CD163L1: variants seen among roughly 807,000 people sequenced by gnomAD.
CD163L1 encodes the protein scavenger receptor cysteine-rich type 1 protein M160.
Under a neutral mutation model 165.4 loss-of-function variants are expected in CD163L1, and 124 were observed. The observed-to-expected ratio is 0.75, with a 90% CI of 0.65 to 0.87. The LOEUF is 0.87. CD163L1 is among the 40% of genes least tolerant of loss of function. The pLI is 0.00. For missense variants in CD163L1, 1,525 were observed against 1,799.9 expected (o/e 0.85, Z 2.76); for synonymous variants, 585 against 662.2 (o/e 0.88, Z 1.79).
chr12:7,397,014 A>C (rs1303913283), intron 7 of CD163L1, among the ~76,000 whole-genome samples: 1 of 152,196 alleles, frequency 6.6e-6, no homozygotes, highest in Non-Finnish European at 1.5e-5. Flanking sequence ...AATTGATTCT[A>C]GAATTGGTTC....
chr12:7,376,000 TG>T lies in CD163L1; in HGVS notation c.2385del (p.Arg796GlyfsTer15). 6.2e-7 allele frequency: 1 copy of T among 1,613,510 alleles called. No homozygotes were observed. Among genetic ancestry groups the T allele is most frequent in the Non-Finnish European group, 8.5e-7 (1 of 1,179,644 alleles). ...ASLICSAHRQPRLVGADMPCS... is the reference protein window; with the variant it reads ...ASLICSAHRQXRLVGADMPCS... ...CAGGGCATATCAGCTCCAACCAGCC[TG>T]GGCTGCCTGTGGGCTATAAAATAAT... On this transcript the variant is annotated frameshift_variant, in exon 10 of 20. Coordinates refer to ENST00000313599, the MANE Select transcript of CD163L1 (RefSeq NM_174941.6). LOFTEE classifies it high-confidence loss of function.
chr12:7,357,908 G>C (rs1344698028), intron 18 of CD163L1, among the ~76,000 whole-genome samples: 4 of 152,120 alleles, frequency 2.6e-5, no homozygotes, highest in African/African-American at 9.6e-5. Flanking sequence ...TCTGTGGATA[G>C]AGAAATGTAG....
intron 4 of CD163L1, among the ~76,000 whole-genome samples, chr12:7,411,695 A>C (rs1351791523): frequency 6.6e-6 from 1 of 152,236 alleles, no homozygotes; most frequent in Non-Finnish European, 1.5e-5. Context: ...TGAACCAAAC[A>C]AACCACTTTT....
At chr12:7,422,213 G>T (rs1948453690) in intron 4 of CD163L1, among the ~76,000 whole-genome samples, 1 of 152,068 alleles carries the variant, frequency 6.6e-6, no homozygotes, top group Non-Finnish European at 1.5e-5. Flanking sequence ...ACTGATAGAA[G>T]AAAAACTAAC....
In CD163L1 at chr12:7,403,654, T is replaced by C. The variant is rs779888028; in HGVS notation, c.1289A>G (p.Asp430Gly). The C allele has an allele frequency of 5.0e-6, 8 of 1,613,930 alleles. No individual in the cohort carries two copies. The East Asian group carries it at 1.3e-4, about 27-fold the overall frequency. The change falls in exon 6 of 20, where the codon GAC becomes GGC. Residue 430 changes from aspartate to glycine, a missense_variant. Coordinates refer to ENST00000313599, the MANE Select transcript of CD163L1 (RefSeq NM_174941.6). ...GCAAGATATGCTGTTTATCCAAATG[T>C]CTCTAGCTTCATTACTAGGTTTAGC... is the stretch of plus-strand genomic sequence containing the variant. ...RRAKPSNEAR[D>G]IWINSISCTG...
At chr12:7,377,165 G>A (rs764835750) in intron 9 of CD163L1, among the ~76,000 whole-genome samples, 1 of 152,028 alleles carries the variant, frequency 6.6e-6, no homozygotes. Flanking sequence ...CTTTTGAACT[G>A]GCTGTATCTC....
At chr12:7,343,997 T>C (rs922516123), downstream of CD163L1, among the ~76,000 whole-genome samples, 9 of 152,106 alleles carry the variant, frequency 5.9e-5, no homozygotes, top group Non-Finnish European at 1.2e-4. Context: ...ACATTCCCAT[T>C]CCAAAGGGAG....
At chr12:7,376,538 C>T (rs867507942) in intron 9 of CD163L1, among the ~76,000 whole-genome samples, 34 of 152,160 alleles carry the variant, frequency 2.2e-4, no homozygotes, top group Non-Finnish European at 3.8e-4. Context: ...ACTCATTTAT[C>T]CAATTTCTAC....
chr12:7,439,737 T>G, intron 2 of CD163L1: 1 of 1,611,440 alleles, frequency 6.2e-7, no homozygotes, highest in East Asian at 2.2e-5. Flanking sequence ...CGTCATCCGA[T>G]GTATAGCCTT....
chr12:7,411,574 C>T (rs1948138527), intron 4 of CD163L1, among the ~76,000 whole-genome samples: 1 of 152,208 alleles, frequency 6.6e-6, no homozygotes, highest in Admixed American at 6.5e-5. Context: ...CTTCCTCTTT[C>T]CATGTGATAT....
intron 2 of CD163L1, 133 bp downstream of exon 2, chr12:7,441,021 G>A (rs770936175): frequency 1.5e-6 from 1 of 657,368 alleles, no homozygotes; most frequent in Non-Finnish European, 2.7e-6. Flanking sequence ...TTATTTACAG[G>A]GTATAGCTAT....
chr12:7,349,626 C>T (rs773715145), intron 4 of CD163L1, among the ~76,000 whole-genome samples: 2 of 152,268 alleles, frequency 1.3e-5, no homozygotes, highest in South Asian at 2.1e-4. Context: ...CCACACCAAA[C>T]GATCTGACTC....
At chr12:7,426,743 A>G (rs1446185964) in intron 4 of CD163L1, among the ~76,000 whole-genome samples, 2 of 152,170 alleles carry the variant, frequency 1.3e-5, no homozygotes, top group African/African-American at 4.8e-5. Flanking sequence ...TAAAAAATAA[A>G]TAAATAGACA....
downstream of CD163L1, among the ~76,000 whole-genome samples, chr12:7,344,419 C>G (rs11609461): frequency 6.6e-6 from 1 of 152,188 alleles, no homozygotes; most frequent in Admixed American, 6.5e-5. Context: ...CCAAAATAAT[C>G]TGCTTTAACT....
At chr12:7,415,795 C>T (rs781749539) in intron 4 of CD163L1, among the ~76,000 whole-genome samples, 32 of 152,194 alleles carry the variant, frequency 2.1e-4, no homozygotes, top group Non-Finnish European at 3.8e-4. Context: ...ATGGTGTATA[C>T]GTGCCACGTT....
At chr12:7,422,092 G>C (rs1948451101) in intron 4 of CD163L1, among the ~76,000 whole-genome samples, 1 of 152,090 alleles carries the variant, frequency 6.6e-6, no homozygotes, top group South Asian at 2.1e-4. Flanking sequence ...CTAGAGGAAA[G>C]AGCAGGCAGC....
chr12:7,439,826 C>A, intron 2 of CD163L1: 2 of 1,613,564 alleles, frequency 1.2e-6, no homozygotes, highest in Admixed American at 1.7e-5. Context: ...ACATCCTCTC[C>A]GTCCTCCTCA....
chr12:7,398,631 T>G lies in CD163L1; in HGVS notation c.1409-47A>C. 1 of 1,474,640 alleles carries G rather than the reference T, an allele frequency of 6.8e-7. No individual in the cohort carries two copies. Among genetic ancestry groups the G allele is most frequent in the Non-Finnish European group, 9.1e-7 (1 of 1,100,086 alleles). 91.3% of individuals were successfully genotyped at this position (1,474,640 alleles called of 1,614,324 possible). A position where few individuals can be genotyped will look rare whatever the true frequency, so the allele number is the denominator to read the frequency against. On this transcript the variant is annotated intron_variant, in intron 6 of 19. Transcript: ENST00000313599. The surrounding 1 kb of genome is among the most constrained non-coding windows in gnomAD (Gnocchi z 4.5). ...ATATTTGAGATCAAATGAGAGAGTC[T>G]TTTCAGAAGACTGAAAAGACTCTCT...
rs932865118 is a variant in CD163L1, at chr12:7,433,758, T to A, written c.125-64A>T. ...GATTAGAAGGCAGAAATAATATAAG[T>A]AGGTGAGATGGATGATGATCATTTA... On this transcript the variant is annotated intron_variant, in intron 2 of 19. Transcript: ENST00000313599. 5.2e-6 allele frequency: 6 copies of A among 1,155,614 alleles called. No homozygotes were observed. The African/African-American group carries it at 7.7e-5, about 15-fold the overall frequency. 71.6% of individuals were successfully genotyped at this position (1,155,614 alleles called of 1,614,324 possible). A position where few individuals can be genotyped will look rare whatever the true frequency, so the allele number is the denominator to read the frequency against.
Sources: gnomAD v4.1 joint callset for allele counts (sites outside exome capture counted in the v4.1 genomes callset) on GRCh38, gnomAD v4.1.1 for gene constraint, Gnocchi (gnomAD v3.1) non-coding constraint, MANE v1.5 for transcripts, NCBI Gene and HGNC (gene_info 2026-07-23, HGNC 2026-07-21) for gene names.